The following IL1RAPL2 variants were observed in gnomAD, a reference collection of about 807,000 sequenced individuals.
The protein encoded by IL1RAPL2 is X-linked interleukin-1 receptor accessory protein-like 2.
In IL1RAPL2, 3 loss-of-function variants were observed where a neutral mutation model predicts 44.1. That is an observed-to-expected ratio of 0.07 (90% confidence interval 0.03 to 0.18). IL1RAPL2 has a LOEUF of 0.18. Among genes scored for constraint, IL1RAPL2 ranks in the 10% least tolerant of loss-of-function variants. The pLI is 1.00. For missense variants in IL1RAPL2, 391 were observed against 496.4 expected, an observed-to-expected ratio of 0.79 and a Z score of 2.02; for synonymous variants, 181 against 178.8, an observed-to-expected ratio of 1.01 and a Z score of -0.10.
chrX:105,352,834 C>T (rs2035167091), intron 5 of IL1RAPL2, among the ~76,000 whole-genome samples: 1 of 108,984 alleles, frequency 9.2e-6, no homozygotes, highest in African/African-American at 3.3e-5. Context: ...GATATTAGCC[C>T]TTTGTCAGAT....
chrX:104,797,710 C>A (rs1156823865), intron 2 of IL1RAPL2, among the ~76,000 whole-genome samples: 2 of 112,096 alleles, frequency 1.8e-5, no homozygotes, highest in Admixed American at 9.5e-5. Flanking sequence ...TGCCAGACAA[C>A]AAAGCCTCAA....
intron 1 of IL1RAPL2, among the ~76,000 whole-genome samples, chrX:104,588,309 C>A (rs1273973078): frequency 9.0e-6 from 1 of 111,145 alleles, no homozygotes; most frequent in Non-Finnish European, 1.9e-5. Flanking sequence ...CACCCCTGAA[C>A]TTTCTGAGCA....
intron 5 of IL1RAPL2, among the ~76,000 whole-genome samples, chrX:105,304,540 A>G (rs1311208647): frequency 8.9e-6 from 1 of 112,215 alleles, no homozygotes; most frequent in African/African-American, 3.2e-5. Context: ...TGGGGATACA[A>G]ATCAGTTCCT....
intron 2 of IL1RAPL2, among the ~76,000 whole-genome samples, chrX:104,981,671 G>A (rs2030442364): frequency 9.0e-6 from 1 of 110,877 alleles, no homozygotes. Context: ...CAAGGGGAAT[G>A]CTTCCAGCTT....
intron 2 of IL1RAPL2, among the ~76,000 whole-genome samples, chrX:105,017,163 T>A (rs148772864): frequency 1.4e-3 from 161 of 111,065 alleles, no homozygotes; most frequent in African/African-American, 5.2e-3. Context: ...CCCTTTATCA[T>A]TTGTATTGTG....
At chrX:105,334,164 A>G (rs1051737551) in intron 5 of IL1RAPL2, among the ~76,000 whole-genome samples, 7 of 112,461 alleles carry the variant, frequency 6.2e-5, no homozygotes, top group Non-Finnish European at 9.4e-5. Context: ...GTACATATAC[A>G]AAATGGAGTA....
chrX:105,614,325 G>T (rs1406428514), intron 6 of IL1RAPL2, among the ~76,000 whole-genome samples: 4 of 111,775 alleles, frequency 3.6e-5, no homozygotes, highest in African/African-American at 6.5e-5. Flanking sequence ...AAATAGAAAA[G>T]AAAATTATAA....
chrX:105,003,885 T>C (rs62604874), intron 2 of IL1RAPL2, among the ~76,000 whole-genome samples: 1,971 of 111,646 alleles, frequency 0.018, 28 homozygotes, highest in Non-Finnish European at 0.025. Flanking sequence ...AGCTAATGTT[T>C]ATTGCGTGCT....
At chrX:105,231,614 C>A (rs1192902475) in intron 3 of IL1RAPL2, among the ~76,000 whole-genome samples, 1 of 112,306 alleles carries the variant, frequency 8.9e-6, no homozygotes, top group Non-Finnish European at 1.9e-5. Flanking sequence ...GTGTAATTAA[C>A]AAGAGCAACA....
At chrX:105,276,962 T>G (rs779904176) in intron 5 of IL1RAPL2, among the ~76,000 whole-genome samples, 1 of 111,636 alleles carries the variant, frequency 9.0e-6, no homozygotes, top group African/African-American at 3.3e-5. Flanking sequence ...GGGGCACAAT[T>G]TATGGATGTA....
intron 2 of IL1RAPL2, among the ~76,000 whole-genome samples, chrX:104,670,042 T>G (rs777312996): frequency 2.7e-5 from 3 of 111,405 alleles, no homozygotes. Flanking sequence ...AAAGAACTAA[T>G]AGGATAGATG....
chrX:104,647,428 C>G lies in IL1RAPL2; in HGVS notation c.-19-11467C>G, dbSNP rs769125871. On this transcript the variant is annotated intron_variant, in intron 1 of 10. Coordinates refer to ENST00000372582, the MANE Select transcript of IL1RAPL2 (RefSeq NM_017416.2). ...CCACAAATCTGGCCCTCTCTGCTTC[C>G]TGCTGATCCACCTCTTTGGCTTCCA... The G allele has an allele frequency of 6.6e-6, 4 of 604,219 alleles. No individual in the cohort carries two copies. In the East Asian group the frequency reaches 1.4e-4, roughly 20 times the overall value. The allele number at this position is 604,219 out of a possible 1,213,427, so 49.8% of individuals were successfully genotyped here. A position where few individuals can be genotyped will look rare whatever the true frequency, so the allele number is the denominator to read the frequency against.
intron 6 of IL1RAPL2, among the ~76,000 whole-genome samples, chrX:105,573,626 A>G (rs187556954): frequency 9.0e-6 from 1 of 110,700 alleles, no homozygotes; most frequent in African/African-American, 3.3e-5. Context: ...CAGATTTCTG[A>G]CTTAAAAAAC....
At chrX:105,618,957 A>G (rs2037399012) in intron 6 of IL1RAPL2, among the ~76,000 whole-genome samples, 1 of 111,341 alleles carries the variant, frequency 9.0e-6, no homozygotes, top group Admixed American at 9.6e-5. Flanking sequence ...CTTCACCTGC[A>G]CAAGAGCTGC....
intron 2 of IL1RAPL2, among the ~76,000 whole-genome samples, chrX:104,935,110 A>G (rs1238508201): frequency 8.9e-6 from 1 of 112,029 alleles, no homozygotes. Context: ...ATATTCAACA[A>G]TCCACAATTG....
intron 2 of IL1RAPL2, among the ~76,000 whole-genome samples, chrX:104,685,735 G>A (rs1014453669): frequency 4.5e-5 from 5 of 110,328 alleles, no homozygotes; most frequent in African/African-American, 1.3e-4. Context: ...AAACCTGCAC[G>A]TTGTGCACAT....
chrX:104,964,558 G>A (rs746599488), intron 2 of IL1RAPL2, among the ~76,000 whole-genome samples: 15 of 109,931 alleles, frequency 1.4e-4, no homozygotes, highest in South Asian at 3.9e-4. Flanking sequence ...TGATCCACCC[G>A]CCTCAGCCTC....
At chrX:105,406,796 G>T in intron 5 of IL1RAPL2, 1 of 1,168,346 alleles carries the variant, frequency 8.6e-7, no homozygotes, top group South Asian at 1.8e-5. Flanking sequence ...AATTTAGAAG[G>T]TGCTAATCTG....
chrX:104,921,954 C>T (rs1163335762), intron 2 of IL1RAPL2, among the ~76,000 whole-genome samples: 1 of 112,355 alleles, frequency 8.9e-6, no homozygotes, highest in Non-Finnish European at 1.9e-5. Context: ...TCCTTCTTAC[C>T]CTGAGCGTGC....
Sources: gnomAD v4.1 joint callset for allele counts (sites outside exome capture counted in the v4.1 genomes callset) on GRCh38, gnomAD v4.1.1 for gene constraint, MANE v1.5 for transcripts, NCBI Gene and HGNC (gene_info 2026-07-23, HGNC 2026-07-21) for gene names.